Variants in PRELID2 observed in about 807,000 individuals in gnomAD.
The protein encoded by PRELID2 is PRELI domain-containing protein 2.
Under a neutral mutation model 28.4 loss-of-function variants are expected in PRELID2, and 25 were observed. That is an observed-to-expected ratio of 0.88 (90% CI 0.64 to 1.23). The LOEUF is 1.23. Ranked by LOEUF, PRELID2 falls within the 50% of genes most tolerant of loss-of-function variation. PRELID2 has a pLI of 0.00. For missense variants in PRELID2, 201 were observed against 214.4 expected (o/e 0.94, Z 0.39); for synonymous variants, 76 against 71.6 (o/e 1.06, Z -0.31).
At chr5:145,787,227 T>C (rs995782219) in intron 5 of PRELID2, among the ~76,000 whole-genome samples, 2 of 152,214 alleles carry the variant, frequency 1.3e-5, no homozygotes, top group African/African-American at 2.4e-5. Flanking sequence ...TAGTACTCTC[T>C]AAAGATTCAG....
the PRELID2 span, among the ~76,000 whole-genome samples, chr5:145,415,348 T>C: frequency 6.6e-6 from 1 of 151,936 alleles, no homozygotes; most frequent in Admixed American, 6.6e-5. Context: ...TAGTTACATA[T>C]GTATACATGT....
intron 1 of PRELID2, among the ~76,000 whole-genome samples, chr5:145,692,335 A>G (rs989288727): frequency 6.6e-6 from 1 of 151,920 alleles, no homozygotes; most frequent in African/African-American, 2.4e-5. Context: ...TGTCCAGCCA[A>G]TTCTACAAGC....
the PRELID2 span, among the ~76,000 whole-genome samples, chr5:145,266,250 G>A: frequency 6.6e-6 from 1 of 151,890 alleles, no homozygotes; most frequent in Non-Finnish European, 1.5e-5. Context: ...AAGAAATGAG[G>A]AGGGGGATAA....
chr5:145,695,209 C>T (rs548248805), intron 1 of PRELID2, among the ~76,000 whole-genome samples: 9 of 152,294 alleles, frequency 5.9e-5, no homozygotes, highest in African/African-American at 1.7e-4. Flanking sequence ...GTTGGAGATG[C>T]TCTCTCTGTA....
intron 1 of PRELID2, among the ~76,000 whole-genome samples, chr5:145,608,963 A>AT (rs1265023613): frequency 1.3e-5 from 2 of 151,522 alleles, no homozygotes; most frequent in East Asian, 1.9e-4. Flanking sequence ...TTCTTCTTTA[A>AT]TTTTTTCTCT....
chr5:145,527,595 A>G (rs1461903515), intron 1 of PRELID2, among the ~76,000 whole-genome samples: 7 of 152,212 alleles, frequency 4.6e-5, no homozygotes, highest in Non-Finnish European at 8.8e-5. Flanking sequence ...CATTATACAA[A>G]TCCAGAGAGA....
rs548736045 is a variant in PRELID2 at position 145,747,742 on chromosome 5, C to T, written n.70+17189G>A. Among the ~76,000 whole-genome samples, 28 of 152,024 alleles carry T rather than the reference C, an allele frequency of 1.8e-4. No individual in the cohort carries two copies. The East Asian group carries it at 3.9e-3, about 21-fold the overall frequency. On this transcript the variant is annotated intron_variant and non_coding_transcript_variant, in intron 1 of 2. Transcript: ENST00000510259. Reference sequence around the variant, plus strand: ...TCAGGCCAATATCCCTGATAAACATCGATGCAATAATCCTCAATAAAATAC... The same window carrying T: ...TCAGGCCAATATCCCTGATAAACATTGATGCAATAATCCTCAATAAAATAC...
At chr5:145,344,508 T>C in the PRELID2 span, among the ~76,000 whole-genome samples, 1 of 152,130 alleles carries the variant, frequency 6.6e-6, no homozygotes, top group African/African-American at 2.4e-5. Flanking sequence ...ACTTTTCTTA[T>C]ATTATAAACC....
chr5:145,261,255 C>A, the PRELID2 span, among the ~76,000 whole-genome samples: 2 of 152,206 alleles, frequency 1.3e-5, no homozygotes, highest in African/African-American at 4.8e-5. Flanking sequence ...AGGACACAAT[C>A]TCTTGGGAGC....
At chr5:145,292,211 C>T in the PRELID2 span, among the ~76,000 whole-genome samples, 1 of 152,066 alleles carries the variant, frequency 6.6e-6, no homozygotes, top group Non-Finnish European at 1.5e-5. Context: ...CCTTTCGAGT[C>T]ACAGACTTAG....
At chr5:145,699,122 T>C (rs1027418284) in intron 1 of PRELID2, among the ~76,000 whole-genome samples, 1 of 152,098 alleles carries the variant, frequency 6.6e-6, no homozygotes, top group Non-Finnish European at 1.5e-5. Context: ...ACCAGCAGAA[T>C]GTGTGAAGAA....
chr5:145,434,625 A>G, the PRELID2 span, among the ~76,000 whole-genome samples: 37 of 152,234 alleles, frequency 2.4e-4, no homozygotes, highest in African/African-American at 7.2e-4. Flanking sequence ...ATAGCAAGCA[A>G]TGAAAGAGTC....
intron 1 of PRELID2, among the ~76,000 whole-genome samples, chr5:145,591,374 C>G (rs1753224547): frequency 6.6e-6 from 1 of 151,494 alleles, no homozygotes; most frequent in Non-Finnish European, 1.5e-5. Context: ...TTTTAAGTAT[C>G]TATTTCAAAA....
At chr5:145,447,880 AT>A in the PRELID2 span, among the ~76,000 whole-genome samples, 1 of 149,504 alleles carries the variant, frequency 6.7e-6, no homozygotes, top group Non-Finnish European at 1.5e-5. Flanking sequence ...ATTGTTGGAC[AT>A]TTGGGTTGGT....
intron 1 of PRELID2, among the ~76,000 whole-genome samples, chr5:145,625,780 C>T (rs1042643698): frequency 6.6e-6 from 1 of 152,110 alleles, no homozygotes; most frequent in Non-Finnish European, 1.5e-5. Flanking sequence ...AGAGTGACCA[C>T]TAAAACCATA....
chr5:145,738,695 A>G (rs1294063382), intron 1 of PRELID2, among the ~76,000 whole-genome samples: 1 of 152,182 alleles, frequency 6.6e-6, no homozygotes, highest in Non-Finnish European at 1.5e-5. Context: ...ATGTGGGACT[A>G]AAATAAAAGA....
At chr5:145,827,783 A>G (rs533264494) in intron 1 of PRELID2, among the ~76,000 whole-genome samples, 59 of 152,168 alleles carry the variant, frequency 3.9e-4, no homozygotes, top group Non-Finnish European at 6.6e-4. Context: ...AATGCAAGGA[A>G]AGACTGAGGA....
chr5:145,251,226 CA>C, the PRELID2 span, among the ~76,000 whole-genome samples: 269 of 152,202 alleles, frequency 1.8e-3, 1 homozygote, highest in African/African-American at 6.3e-3. Context: ...CAATGGGAGG[CA>C]TACTCCAGGC....
chr5:145,441,083 C>G, the PRELID2 span: 1 of 152,050 alleles, frequency 6.6e-6, no homozygotes, highest in East Asian at 1.9e-4. Context: ...CTTGCAAAGA[C>G]AAAAATGGAA....
Sources: gnomAD v4.1 joint callset for allele counts (sites outside exome capture counted in the v4.1 genomes callset) on GRCh38, gnomAD v4.1.1 for gene constraint, MANE v1.5 for transcripts, NCBI Gene and HGNC (gene_info 2026-07-23, HGNC 2026-07-21) for gene names.